Variants in PPM1E observed in about 807,000 individuals in gnomAD.
The protein encoded by PPM1E is protein phosphatase 1E.
A neutral mutation model predicts 65.9 loss-of-function variants in PPM1E; 20 were observed. The ratio of observed to expected loss-of-function variants is 0.30; its 90% CI spans 0.21 to 0.44. The LOEUF (loss-of-function observed/expected upper bound fraction) is 0.44, where lower values mean the gene tolerates loss of function less well. PPM1E is among the 20% of genes least tolerant of loss of function. PPM1E has a pLI of 1.00. For synonymous variants in PPM1E, 352 were observed against 374.9 expected (o/e 0.94, Z 0.70); for missense variants, 713 against 953.1 (o/e 0.75, Z 3.32).
chr17:58,968,307 C>G (rs764476562), intron 3 of PPM1E, among the ~76,000 whole-genome samples: 1 of 152,032 alleles, frequency 6.6e-6, no homozygotes, highest in Non-Finnish European at 1.5e-5. Flanking sequence ...TGCCTGTAAT[C>G]CCAGCTACTT....
intron 1 of PPM1E, among the ~76,000 whole-genome samples, chr17:58,766,325 C>G (rs564335090): frequency 2.5e-4 from 38 of 151,154 alleles, no homozygotes; most frequent in Non-Finnish European, 5.2e-4. Flanking sequence ...ACTCAGCCTC[C>G]TGAGTAGCTT....
intron 1 of PPM1E, among the ~76,000 whole-genome samples, chr17:58,796,912 C>T (rs561912908): frequency 6.6e-6 from 1 of 152,164 alleles, no homozygotes; most frequent in East Asian, 1.9e-4. Context: ...TTGAGACCAG[C>T]CTTGCCAACA....
chr17:58,974,881 A>G (rs1187075846), intron 6 of PPM1E, among the ~76,000 whole-genome samples: 2 of 152,222 alleles, frequency 1.3e-5, no homozygotes, highest in African/African-American at 4.8e-5. Context: ...GAAATAGCTA[A>G]AAGAGTCTAC....
intron 1 of PPM1E, among the ~76,000 whole-genome samples, chr17:58,819,053 T>C (rs557024620): frequency 2.0e-5 from 3 of 152,360 alleles, no homozygotes; most frequent in Non-Finnish European, 2.9e-5. Flanking sequence ...TGTTTCTCTT[T>C]ATAAATCTTT....
At chr17:58,929,766 A>T (rs1031301779) in intron 1 of PPM1E, among the ~76,000 whole-genome samples, 2 of 152,276 alleles carry the variant, frequency 1.3e-5, no homozygotes, top group East Asian at 3.9e-4. Context: ...GTCAGCAATA[A>T]CCCCTGAAAG....
chr17:58,935,182 C>T (rs1330700425), intron 1 of PPM1E, among the ~76,000 whole-genome samples: 2 of 148,094 alleles, frequency 1.4e-5, no homozygotes, highest in African/African-American at 5.0e-5. Context: ...ACCCGAGAGA[C>T]GGAGGTTGCA....
chr17:58,966,412 G>A (rs1248190956), intron 3 of PPM1E: 4 of 151,432 alleles, frequency 2.6e-5, no homozygotes, highest in South Asian at 7.1e-5. Context: ...CAATAAAGCA[G>A]TTTTGTAAAA....
At chr17:58,833,561 G>C (rs2050625443) in intron 1 of PPM1E, among the ~76,000 whole-genome samples, 1 of 151,794 alleles carries the variant, frequency 6.6e-6, no homozygotes, top group South Asian at 2.1e-4. Flanking sequence ...ACATGATTTT[G>C]TTCTTTTTTT....
At chr17:58,842,830 C>T (rs778585193) in intron 1 of PPM1E, among the ~76,000 whole-genome samples, 47 of 151,910 alleles carry the variant, frequency 3.1e-4, no homozygotes, top group South Asian at 4.2e-4. Context: ...CCCAGCTACT[C>T]GGGAGGATGA....
intron 1 of PPM1E, among the ~76,000 whole-genome samples, chr17:58,781,896 A>G (rs577358749): frequency 6.6e-6 from 1 of 152,176 alleles, no homozygotes; most frequent in Non-Finnish European, 1.5e-5. Context: ...AAAAGAAAAA[A>G]AAAATAAAAT....
chr17:58,878,984 C>T (rs1001482843), intron 1 of PPM1E, among the ~76,000 whole-genome samples: 2 of 151,608 alleles, frequency 1.3e-5, no homozygotes, highest in African/African-American at 4.8e-5. Context: ...TTATTTTCCT[C>T]ACCTTGCCAT....
At chr17:58,921,075 A>G (rs2051744094) in intron 1 of PPM1E, among the ~76,000 whole-genome samples, 1 of 152,244 alleles carries the variant, frequency 6.6e-6, no homozygotes. Context: ...TGACAGTTGG[A>G]TTTGGCAACA....
intron 1 of PPM1E, among the ~76,000 whole-genome samples, chr17:58,795,254 G>T (rs1318448091): frequency 1.3e-5 from 2 of 152,152 alleles, no homozygotes. Context: ...TAATGGGATT[G>T]CTGGGTCAAA....
At chr17:58,879,598 T>C (rs2051168442) in intron 1 of PPM1E, among the ~76,000 whole-genome samples, 1 of 134,326 alleles carries the variant, frequency 7.4e-6, no homozygotes. Flanking sequence ...AAGCTCCGCC[T>C]CCCGGGTTCA....
chr17:58,966,233 G>A (rs1028184481), intron 3 of PPM1E: 3 of 373,584 alleles, frequency 8.0e-6, no homozygotes, highest in African/African-American at 2.1e-5. Flanking sequence ...AAAATGATTA[G>A]GCTGGGTGTG....
chr17:58,873,398 A>G (rs1248551346), intron 1 of PPM1E, among the ~76,000 whole-genome samples: 1 of 152,068 alleles, frequency 6.6e-6, no homozygotes, highest in Non-Finnish European at 1.5e-5. Flanking sequence ...TTGAGTCTGA[A>G]ATATCAAACA....
intron 1 of PPM1E, among the ~76,000 whole-genome samples, chr17:58,887,873 C>T (rs1301118718): frequency 1.3e-5 from 2 of 152,126 alleles, no homozygotes; most frequent in Non-Finnish European, 2.9e-5. Flanking sequence ...TAGTAGTTGT[C>T]CAGGTGAGAA....
At chr17:58,762,760 T>C (rs1162327421) in intron 1 of PPM1E, among the ~76,000 whole-genome samples, 1 of 151,408 alleles carries the variant, frequency 6.6e-6, no homozygotes, top group South Asian at 2.1e-4. Flanking sequence ...TAGCCGGGCA[T>C]AGTGGCGGGC....
chr17:58,967,706 A>C (rs2143689670), intron 3 of PPM1E, among the ~76,000 whole-genome samples: 1 of 151,610 alleles, frequency 6.6e-6, no homozygotes, highest in Non-Finnish European at 1.5e-5. Context: ...AAATCCACTT[A>C]GCTTCCTTTT....
Sources: allele counts gnomAD v4.1 joint callset (sites outside exome capture counted in the v4.1 genomes callset), GRCh38; gene constraint gnomAD v4.1.1; transcripts MANE v1.5; gene names NCBI Gene and HGNC (gene_info 2026-07-23, HGNC 2026-07-21).